The following COL4A3 variants were observed in gnomAD, a reference collection of about 807,000 sequenced individuals.
The protein encoded by COL4A3 is collagen type IV alpha 3 chain, also known as collagen alpha-3(IV) chain.
A neutral mutation model predicts 217.4 loss-of-function variants in COL4A3; 135 were observed. That is an observed-to-expected ratio of 0.62 (90% CI 0.54 to 0.72). The LOEUF (loss-of-function observed/expected upper bound fraction) is 0.72. COL4A3 is among the 30% of genes least tolerant of loss of function. The probability of loss-of-function intolerance (pLI) is 0.00; values close to 1 mark genes in which losing one functional copy is unlikely to be tolerated. For synonymous variants in COL4A3, 690 were observed against 736.3 expected (o/e 0.94, Z 1.02); for missense variants, 1,868 against 2,119.9 (o/e 0.88, Z 2.33).
At chr2:227,197,030 T>C (rs893566630) in intron 1 of COL4A3, among the ~76,000 whole-genome samples, 16 of 151,810 alleles carry the variant, frequency 1.1e-4, no homozygotes, top group African/African-American at 3.9e-4. Flanking sequence ...GATCTGATGG[T>C]TTTAGAAAGG....
intron 1 of COL4A3, among the ~76,000 whole-genome samples, chr2:227,210,152 C>A (rs2125785330): frequency 6.6e-6 from 1 of 152,310 alleles, no homozygotes; most frequent in East Asian, 1.9e-4. Context: ...CAAACCTTAA[C>A]TGATGTTAAA....
At chr2:227,275,203 T>C (rs1424155127) in intron 26 of COL4A3, among the ~76,000 whole-genome samples, 1 of 151,808 alleles carries the variant, frequency 6.6e-6, no homozygotes, top group Non-Finnish European at 1.5e-5. Flanking sequence ...TTGTTTGAGA[T>C]GGAGTCTTGC....
At chr2:227,245,060 A>T (rs1372778875) in intron 5 of COL4A3, 65 bp downstream of exon 5, 339 of 1,499,728 alleles carry the variant, frequency 2.3e-4, no homozygotes, top group Non-Finnish European at 3.0e-4. Flanking sequence ...TAAAGATGTT[A>T]AAACAGTCGT....
chr2:227,310,939 G>C lies in COL4A3; in HGVS notation c.4919G>C (p.Arg1640Thr). The C allele has an allele frequency of 6.2e-7, 1 of 1,613,522 alleles. No individual in the cohort carries two copies. The highest frequency in any genetic ancestry group is 8.5e-7 in the Non-Finnish European group (1 of 1,179,986). Residue 1640 changes from arginine (R) to threonine (T), a missense_variant, in exon 51 of 52, where the codon AGA (arginine) becomes ACA (threonine). Coordinates refer to ENST00000396578, the MANE Select transcript of COL4A3 (RefSeq NM_000091.5). ...TGGCTGGCTTCATTAAACCCAGAAAGAATGTTCAGGTAACTATTCACCATC... is the reference window on the plus strand; with the variant it reads ...TGGCTGGCTTCATTAAACCCAGAAACAATGTTCAGGTAACTATTCACCATC... The part of the protein sequence containing the change: ...SFWLASLNPE[R>T]MFRKPIPSTV...
chr2:227,311,966 A>G lies in COL4A3; in HGVS notation c.*96A>G. 6.5e-7 allele frequency: 1 copy of G among 1,549,536 alleles called. No individual in the cohort carries two copies. Among genetic ancestry groups the G allele is most frequent in the Non-Finnish European group, 8.7e-7 (1 of 1,142,922 alleles). On this transcript the variant is annotated 3_prime_UTR_variant, in exon 52 of 52. Coordinates refer to ENST00000396578, the MANE Select transcript of COL4A3 (RefSeq NM_000091.5). ...TTAGGTATTTTTCTTTAACCAAACA[A>G]TATTGCTCCATGATGACTTAGTACA...
chr2:227,274,268 A>AATAAATAAATAAATAT (rs1165418861), intron 26 of COL4A3, among the ~76,000 whole-genome samples: 94 of 151,704 alleles, frequency 6.2e-4, no homozygotes, highest in African/African-American at 2.2e-3. Context: ...TAAATAAATA[A>AATAAATAAATAAATAT]ATAAATTTTA....
chr2:227,246,053 C>T (rs1481418324), intron 6 of COL4A3, 37 bp downstream of exon 6: 8 of 1,487,142 alleles, frequency 5.4e-6, no homozygotes, highest in South Asian at 1.1e-5. Flanking sequence ...TTAATAAATG[C>T]TTTGCTGAAT....
chr2:227,305,914 T>G (rs1241607115), intron 47 of COL4A3, among the ~76,000 whole-genome samples: 1 of 152,178 alleles, frequency 6.6e-6, no homozygotes, highest in Non-Finnish European at 1.5e-5. Flanking sequence ...CTTTCTGAAT[T>G]TACTGACATA....
intron 1 of COL4A3, among the ~76,000 whole-genome samples, chr2:227,165,427 G>A (rs1258518000): frequency 1.3e-5 from 2 of 152,190 alleles, no homozygotes; most frequent in African/African-American, 4.8e-5. Flanking sequence ...TAAGCAATCT[G>A]ACACTTTGAT....
In COL4A3 at chr2:227,304,089, T is replaced by TG; in HGVS notation, c.4100dup (p.Glu1368ArgfsTer25). On this transcript the variant is annotated frameshift_variant, in exon 46 of 52. Coordinates refer to ENST00000396578, the MANE Select transcript of COL4A3 (RefSeq NM_000091.5). LOFTEE classifies it high-confidence loss of function. ...GAAGCCCAGGGCCACCTGGCACACC[T>TG]GGAGAACCAGGGATGCAGGGAGAAC... 1 of 1,614,202 alleles carries TG rather than the reference T, an allele frequency of 6.2e-7. No individual in the cohort carries two copies. Among genetic ancestry groups the TG allele is most frequent in the Middle Eastern group, 1.6e-4 (1 of 6,062 alleles).
At chr2:227,288,295 C>A (rs989933350) in intron 34 of COL4A3, among the ~76,000 whole-genome samples, 9 of 152,100 alleles carry the variant, frequency 5.9e-5, no homozygotes, top group Non-Finnish European at 1.2e-4. Flanking sequence ...CAGGGTTTCA[C>A]CATGTTGGCC....
chr2:227,271,066 T>A, intron 25 of COL4A3, 114 bp downstream of exon 25: 2 of 913,936 alleles, frequency 2.2e-6, no homozygotes. Context: ...TCACTCTAAC[T>A]GCAGAATGAA....
At chr2:227,189,034 G>C (rs1441146065) in intron 1 of COL4A3, among the ~76,000 whole-genome samples, 1 of 152,156 alleles carries the variant, frequency 6.6e-6, no homozygotes, top group Non-Finnish European at 1.5e-5. Flanking sequence ...AGGAAGGATG[G>C]GAGGAGAGAC....
intron 38 of COL4A3, chr2:227,294,249 A>C (rs562416217): frequency 1.9e-6 from 1 of 516,292 alleles, no homozygotes; most frequent in African/African-American, 1.9e-5. Context: ...ATAAAATCGC[A>C]TATTGAGTGG....
intron 36 of COL4A3, 75 bp from the exon 37 acceptor site, chr2:227,290,672 G>A (rs1296665431): frequency 2.7e-6 from 4 of 1,480,500 alleles, no homozygotes; most frequent in East Asian, 2.3e-5. Context: ...GAAAGCTTAT[G>A]TAAAACTGAA....
At chr2:227,300,961 C>T (rs535793661) in intron 43 of COL4A3, among the ~76,000 whole-genome samples, 4 of 152,198 alleles carry the variant, frequency 2.6e-5, no homozygotes, top group Non-Finnish European at 5.9e-5. Flanking sequence ...GTGACACACA[C>T]ACAACTCTAT....
At chr2:227,187,863 T>C (rs2066087160) in intron 1 of COL4A3, among the ~76,000 whole-genome samples, 1 of 152,196 alleles carries the variant, frequency 6.6e-6, no homozygotes, top group African/African-American at 2.4e-5. Context: ...CTACCAAGCA[T>C]CTAATGCCCC....
At chr2:227,206,036 G>T (rs575707480) in intron 1 of COL4A3, among the ~76,000 whole-genome samples, 51 of 152,182 alleles carry the variant, frequency 3.4e-4, no homozygotes, top group African/African-American at 1.2e-3. Flanking sequence ...AACACGTCTG[G>T]GGTGTAGCCT....
chr2:227,172,959 C>T (rs2065545194), intron 1 of COL4A3, among the ~76,000 whole-genome samples: 1 of 152,160 alleles, frequency 6.6e-6, no homozygotes, highest in Admixed American at 6.5e-5. Context: ...AACCTAATTA[C>T]CTTCAGAGGC....
Sources: allele counts gnomAD v4.1 joint callset (sites outside exome capture counted in the v4.1 genomes callset), GRCh38; gene constraint gnomAD v4.1.1; transcripts MANE v1.5; gene names NCBI Gene and HGNC (gene_info 2026-07-23, HGNC 2026-07-21).